C12orf42: variants seen among roughly 807,000 people sequenced by gnomAD.
The protein encoded by C12orf42 is uncharacterized protein C12orf42.
Under a neutral mutation model 21.6 loss-of-function variants are expected in C12orf42, and 25 were observed. The ratio of observed to expected loss-of-function variants is 1.16; its 90% CI spans 0.84 to 1.62. The LOEUF (loss-of-function observed/expected upper bound fraction) is 1.62, where lower values mean the gene tolerates loss of function less well. C12orf42 is among the 40% of genes most tolerant of loss of function. The probability of loss-of-function intolerance (pLI) is 0.00; values close to 1 mark genes in which losing one functional copy is unlikely to be tolerated. For synonymous variants in C12orf42, 174 were observed against 175.0 expected (o/e 0.99, Z 0.05); for missense variants, 483 against 459.3 (o/e 1.05, Z -0.47).
chr12:103,396,330 A>G (rs1366385985), intron 3 of C12orf42, among the ~76,000 whole-genome samples: 1 of 152,096 alleles, frequency 6.6e-6, no homozygotes, highest in South Asian at 2.1e-4. Flanking sequence ...CTTCTCCTTC[A>G]CCTTTCACCA....
intron 2 of C12orf42, among the ~76,000 whole-genome samples, chr12:103,408,097 C>T (rs1211844438): frequency 6.6e-6 from 1 of 152,172 alleles, no homozygotes; most frequent in Non-Finnish European, 1.5e-5. Flanking sequence ...CTTCCTATCC[C>T]CTTGGCTTGG....
At chr12:103,294,612 G>GA (rs1323356086) in intron 4 of C12orf42, among the ~76,000 whole-genome samples, 3 of 135,518 alleles carry the variant, frequency 2.2e-5, no homozygotes, top group Non-Finnish European at 4.7e-5. Context: ...AAGAAAGAAA[G>GA]AAAGAAAGAA....
At chr12:103,057,223 G>A in the C12orf42 span, among the ~76,000 whole-genome samples, 3,758 of 149,422 alleles carry the variant, frequency 0.025, 149 homozygotes, top group African/African-American at 0.087. Context: ...AGGGATACAT[G>A]TGCAGAATGT....
chr12:103,282,964 C>G (rs1447271904), intron 4 of C12orf42, among the ~76,000 whole-genome samples: 1 of 152,176 alleles, frequency 6.6e-6, no homozygotes. Context: ...TCCATAGAAA[C>G]TACTGTCAGA....
chr12:103,467,519 G>A (rs757228366), intron 2 of C12orf42, among the ~76,000 whole-genome samples: 1 of 152,110 alleles, frequency 6.6e-6, no homozygotes, highest in Non-Finnish European at 1.5e-5. Context: ...GATTCCTGAT[G>A]GTAGGAGTGA....
intron 4 of C12orf42, among the ~76,000 whole-genome samples, chr12:103,361,739 C>T (rs1157861675): frequency 2.0e-5 from 3 of 151,920 alleles, no homozygotes; most frequent in Non-Finnish European, 4.4e-5. Context: ...CAGCTTTCCC[C>T]CACTTCCCTG....
At chr12:103,199,408 G>A in the C12orf42 span, among the ~76,000 whole-genome samples, 1 of 152,030 alleles carries the variant, frequency 6.6e-6, no homozygotes, top group Non-Finnish European at 1.5e-5. Context: ...CACTGATGTT[G>A]GCAATAATTT....
intron 4 of C12orf42, among the ~76,000 whole-genome samples, chr12:103,309,906 C>T (rs566686657): frequency 3.3e-5 from 5 of 152,328 alleles, no homozygotes; most frequent in African/African-American, 7.2e-5. Context: ...AGAGGCCAGG[C>T]GGATGACAGA....
chr12:103,250,819 T>G (rs1297709601), intron 10 of C12orf42, among the ~76,000 whole-genome samples: 3 of 152,058 alleles, frequency 2.0e-5, no homozygotes, highest in African/African-American at 7.2e-5. Context: ...TCCCACCTGT[T>G]CCCTTGAGTG....
At chr12:103,122,266 GT>G in the C12orf42 span, among the ~76,000 whole-genome samples, 1 of 152,184 alleles carries the variant, frequency 6.6e-6, no homozygotes, top group Admixed American at 6.5e-5. Flanking sequence ...GCAGTGATAC[GT>G]GGTAGGGTTC....
At chr12:103,177,003 CT>C in the C12orf42 span, among the ~76,000 whole-genome samples, 1 of 152,156 alleles carries the variant, frequency 6.6e-6, no homozygotes, top group Non-Finnish European at 1.5e-5. Flanking sequence ...GTGACCCTTG[CT>C]CCATTTTAAT....
chr12:103,182,387 A>G, the C12orf42 span, among the ~76,000 whole-genome samples: 2 of 152,218 alleles, frequency 1.3e-5, no homozygotes, highest in African/African-American at 2.4e-5. Context: ...CTCAGGGCAA[A>G]GCTGCAAAGA....
chr12:103,428,668 A>C (rs187290144), intron 2 of C12orf42, among the ~76,000 whole-genome samples: 75 of 152,310 alleles, frequency 4.9e-4, no homozygotes, highest in African/African-American at 1.5e-3. Flanking sequence ...ACAACAAAAA[A>C]AGAAAATTTC....
At chr12:103,395,814 A>G (rs1307402835) in intron 3 of C12orf42, among the ~76,000 whole-genome samples, 1 of 151,428 alleles carries the variant, frequency 6.6e-6, no homozygotes, top group Non-Finnish European at 1.5e-5. Context: ...TGCCATATAC[A>G]TTATAACATA....
At chr12:103,529,492 G>A in the C12orf42 span, among the ~76,000 whole-genome samples, 3 of 152,240 alleles carry the variant, frequency 2.0e-5, no homozygotes, top group South Asian at 2.1e-4. Context: ...CAGGATACCC[G>A]TTGCCACATA....
At chr12:103,416,156 A>G (rs2049307723) in intron 2 of C12orf42, among the ~76,000 whole-genome samples, 1 of 151,866 alleles carries the variant, frequency 6.6e-6, no homozygotes. Context: ...TTTTAATCAA[A>G]CTTTATGTCA....
At chr12:103,250,572 A>C (rs2034249928) in intron 10 of C12orf42, among the ~76,000 whole-genome samples, 1 of 152,126 alleles carries the variant, frequency 6.6e-6, no homozygotes, top group African/African-American at 2.4e-5. Flanking sequence ...TGTTCATGAA[A>C]TATTGTTCAA....
intron 5 of C12orf42, among the ~76,000 whole-genome samples, chr12:103,275,891 G>A (rs766129092): frequency 2.4e-4 from 36 of 151,982 alleles, no homozygotes; most frequent in Non-Finnish European, 4.3e-4. Flanking sequence ...GGCAAAATAG[G>A]GAGACATTGT....
At chr12:103,378,244 T>C (rs1035377139) in intron 3 of C12orf42, among the ~76,000 whole-genome samples, 1 of 152,216 alleles carries the variant, frequency 6.6e-6, no homozygotes. Flanking sequence ...TAAATAAGTA[T>C]GGCCAGTCTA....
Sources: gnomAD v4.1 joint callset for allele counts (sites outside exome capture counted in the v4.1 genomes callset) on GRCh38, gnomAD v4.1.1 for gene constraint, MANE v1.5 for transcripts, NCBI Gene and HGNC (gene_info 2026-07-23, HGNC 2026-07-21) for gene names.